Variants in ACTR3C observed in about 807,000 individuals in gnomAD.
ACTR3C encodes the protein actin-related protein 3C.
In ACTR3C, 18 loss-of-function variants were observed where a neutral mutation model predicts 26.3. That is an observed-to-expected ratio of 0.68 (90% CI 0.47 to 1.01). ACTR3C has a LOEUF of 1.01. Among genes scored for constraint, ACTR3C ranks in the 50% least tolerant of loss-of-function variants. The pLI is 0.00. For synonymous variants in ACTR3C, 55 were observed against 94.5 expected (o/e 0.58, Z 2.42); for missense variants, 184 against 250.7 (o/e 0.73, Z 1.80).
At chr7:150,037,304 T>C in the ACTR3C span, among the ~76,000 whole-genome samples, 8 of 41,144 alleles carry the variant, frequency 1.9e-4, no homozygotes, top group Admixed American at 5.6e-4. Context: ...CTAAGGATCT[T>C]AGGATCAACG....
the ACTR3C span, among the ~76,000 whole-genome samples, chr7:149,915,891 A>T: frequency 6.6e-6 from 1 of 151,100 alleles, no homozygotes; most frequent in South Asian, 2.1e-4. Flanking sequence ...AAAATAGAGG[A>T]TATATTAAAT....
At chr7:149,945,967 C>T in the ACTR3C span, among the ~76,000 whole-genome samples, 1 of 152,160 alleles carries the variant, frequency 6.6e-6, no homozygotes, top group Non-Finnish European at 1.5e-5. Context: ...GCGACCTTGC[C>T]AGCCTCTCTC....
the ACTR3C span, among the ~76,000 whole-genome samples, chr7:150,210,220 T>G: frequency 6.7e-6 from 1 of 150,076 alleles, no homozygotes; most frequent in African/African-American, 2.5e-5. Context: ...CTGATTATCT[T>G]GAGTGTGGGC....
downstream of ACTR3C, chr7:150,246,192 A>G (rs2129608771): frequency 6.6e-6 from 1 of 152,216 alleles, no homozygotes; most frequent in African/African-American, 2.4e-5. Flanking sequence ...GCTTAACACA[A>G]TTTTCTTATG....
At chr7:149,999,586 G>T in the ACTR3C span, among the ~76,000 whole-genome samples, 1 of 151,316 alleles carries the variant, frequency 6.6e-6, no homozygotes, top group African/African-American at 2.4e-5. Flanking sequence ...CTGAGTGGCC[G>T]CCTGACTGTG....
chr7:150,122,918 T>C, the ACTR3C span, among the ~76,000 whole-genome samples: 4 of 150,710 alleles, frequency 2.7e-5, 1 homozygote, highest in Non-Finnish European at 5.9e-5. Flanking sequence ...ATAAAAAGAA[T>C]GAGTTCGTGT....
chr7:150,030,382 G>A, the ACTR3C span, among the ~76,000 whole-genome samples: 2 of 151,228 alleles, frequency 1.3e-5, no homozygotes, highest in East Asian at 3.9e-4. Context: ...TGGATTGGAT[G>A]GTATAGATAG....
the ACTR3C span, chr7:150,074,352 A>C: frequency 6.6e-6 from 1 of 152,146 alleles, no homozygotes; most frequent in African/African-American, 2.4e-5. Context: ...TAAAAGGTAC[A>C]TGGGGCAGAG....
At chr7:150,039,819 G>T in the ACTR3C span, among the ~76,000 whole-genome samples, 1 of 136,696 alleles carries the variant, frequency 7.3e-6, no homozygotes, top group African/African-American at 2.6e-5. Context: ...GCCTCGCGGG[G>T]GGTGCCTCCG....
the ACTR3C span, among the ~76,000 whole-genome samples, chr7:149,895,741 T>G: frequency 0.012 from 1,895 of 152,228 alleles, 30 homozygotes; most frequent in African/African-American, 0.044. Context: ...AAGGATCACT[T>G]GAGCCCAGGA....
chr7:150,107,595 C>T, the ACTR3C span, among the ~76,000 whole-genome samples: 1 of 152,062 alleles, frequency 6.6e-6, no homozygotes, highest in East Asian at 1.9e-4. Flanking sequence ...AGGAGTGTGG[C>T]TTCTACTTAT....
the ACTR3C span, among the ~76,000 whole-genome samples, chr7:150,065,616 A>C: frequency 2.0e-5 from 3 of 152,148 alleles, no homozygotes; most frequent in Admixed American, 6.5e-5. Flanking sequence ...GTGCATAAAG[A>C]GGTTGCTGGG....
the ACTR3C span, among the ~76,000 whole-genome samples, chr7:150,216,492 G>A: frequency 6.6e-6 from 1 of 152,148 alleles, no homozygotes. Flanking sequence ...CAACTTCAAT[G>A]ATCTTCTCAC....
chr7:150,034,702 T>A, the ACTR3C span, among the ~76,000 whole-genome samples: 1 of 151,520 alleles, frequency 6.6e-6, no homozygotes, highest in Non-Finnish European at 1.5e-5. Context: ...AACTTTCTAC[T>A]TGGACACCTA....
At chr7:150,050,494 T>C in the ACTR3C span, among the ~76,000 whole-genome samples, 1 of 152,208 alleles carries the variant, frequency 6.6e-6, no homozygotes, top group Admixed American at 6.5e-5. Context: ...GATTTCTGCT[T>C]AAAATTATAA....
the ACTR3C span, among the ~76,000 whole-genome samples, chr7:150,052,049 G>A: frequency 5.3e-5 from 8 of 152,076 alleles, no homozygotes; most frequent in African/African-American, 1.9e-4. Flanking sequence ...TTGAAGAAAT[G>A]AAATGGCTAA....
the ACTR3C span, among the ~76,000 whole-genome samples, chr7:150,041,675 G>A: frequency 7.1e-6 from 1 of 141,092 alleles, no homozygotes; most frequent in Admixed American, 7.1e-5. Context: ...AGCCGGGGGT[G>A]GAAGAGGGGA....
chr7:150,153,310 C>T, the ACTR3C span, among the ~76,000 whole-genome samples: 3,444 of 151,428 alleles, frequency 0.023, 96 homozygotes, highest in African/African-American at 0.065. Flanking sequence ...AGAAAATTTT[C>T]GCAACCTACT....
At chr7:150,141,447 G>A in the ACTR3C span, among the ~76,000 whole-genome samples, 472 of 152,014 alleles carry the variant, frequency 3.1e-3, 1 homozygote, top group South Asian at 7.7e-3. Context: ...AGCATGCTAT[G>A]TGCCAGGGAA....
Sources: allele counts gnomAD v4.1 joint callset (sites outside exome capture counted in the v4.1 genomes callset), GRCh38; gene constraint gnomAD v4.1.1; transcripts MANE v1.5; gene names NCBI Gene and HGNC (gene_info 2026-07-23, HGNC 2026-07-21).